Variants in ASTN2 observed in about 807,000 individuals in gnomAD.
ASTN2 encodes astrotactin-2.
A neutral mutation model predicts 139.8 loss-of-function variants in ASTN2; 54 were observed. The ratio of observed to expected loss-of-function variants is 0.39; its 90% CI spans 0.31 to 0.48. ASTN2 has a LOEUF of 0.48. Ranked by LOEUF, ASTN2 falls within the 20% of genes least tolerant of loss-of-function variation. The pLI is 0.95. For missense variants in ASTN2, 1,565 were observed against 1,725.1 expected, an observed-to-expected ratio of 0.91 and a Z score of 1.64; for synonymous variants, 756 against 719.5, an observed-to-expected ratio of 1.05 and a Z score of -0.81.
chr9:116,828,493 A>G (rs1219450264), intron 11 of ASTN2, among the ~76,000 whole-genome samples: 20 of 152,166 alleles, frequency 1.3e-4, no homozygotes, highest in Admixed American at 1.3e-3. Context: ...GATACAGAAA[A>G]AAAAGCATTC....
At chr9:117,387,919 G>A (rs983005548) in intron 1 of ASTN2, among the ~76,000 whole-genome samples, 1 of 152,108 alleles carries the variant, frequency 6.6e-6, no homozygotes, top group Admixed American at 6.5e-5. Flanking sequence ...TGCTGCAAAG[G>A]CTAGAGCTGA....
At chr9:117,201,739 G>A (rs1831727789) in intron 3 of ASTN2, among the ~76,000 whole-genome samples, 1 of 152,142 alleles carries the variant, frequency 6.6e-6, no homozygotes, top group Non-Finnish European at 1.5e-5. Context: ...TGCATTTGCT[G>A]AGGAGTGTTT....
intron 1 of ASTN2, among the ~76,000 whole-genome samples, chr9:117,363,476 A>G (rs893888327): frequency 2.6e-5 from 4 of 152,160 alleles, no homozygotes; most frequent in African/African-American, 7.2e-5. Flanking sequence ...GGAGGTAAGA[A>G]TCTAGGACTA....
intron 6 of ASTN2, among the ~76,000 whole-genome samples, chr9:117,013,488 T>TATA (rs1564384141): frequency 3.9e-3 from 88 of 22,612 alleles, no homozygotes; most frequent in Admixed American, 9.8e-3. Context: ...ATATATATAT[T>TATA]TTTTTTTTTC....
intron 11 of ASTN2, among the ~76,000 whole-genome samples, chr9:116,851,540 A>T (rs1832607224): frequency 1.3e-5 from 2 of 151,770 alleles, no homozygotes; most frequent in South Asian, 4.2e-4. Context: ...CTTATAGTAA[A>T]TCTACTAAAA....
chr9:117,236,957 T>A (rs370536977), intron 2 of ASTN2, among the ~76,000 whole-genome samples: 1 of 152,168 alleles, frequency 6.6e-6, no homozygotes, highest in African/African-American at 2.4e-5. Flanking sequence ...GGGATAGTTG[T>A]TATTTTGTGT....
At chr9:116,555,258 T>C (rs1312073281) in intron 19 of ASTN2, among the ~76,000 whole-genome samples, 1 of 152,124 alleles carries the variant, frequency 6.6e-6, no homozygotes, top group African/African-American at 2.4e-5. Flanking sequence ...GCCTATGTGT[T>C]CTTCGAGCTC....
chr9:117,384,928 T>G (rs942996995), intron 1 of ASTN2, among the ~76,000 whole-genome samples: 5 of 151,760 alleles, frequency 3.3e-5, no homozygotes, highest in Non-Finnish European at 5.9e-5. Context: ...TAAAAGGGAG[T>G]TTGGGAAAAC....
At chr9:117,275,564 C>CTTTT (rs57767279) in intron 2 of ASTN2, among the ~76,000 whole-genome samples, 3 of 119,168 alleles carry the variant, frequency 2.5e-5, no homozygotes, top group Admixed American at 9.8e-5. Context: ...ATCTCTCCCT[C>CTTTT]TTTTTTTTTT....
At chr9:117,404,821 C>G (rs745918125) in intron 1 of ASTN2, among the ~76,000 whole-genome samples, 3 of 151,472 alleles carry the variant, frequency 2.0e-5, no homozygotes, top group Non-Finnish European at 4.4e-5. Context: ...GGTGACAACT[C>G]TCTAAGAGTT....
intron 3 of ASTN2, among the ~76,000 whole-genome samples, chr9:117,185,516 G>A (rs1831174762): frequency 6.6e-6 from 1 of 152,212 alleles, no homozygotes; most frequent in Admixed American, 6.5e-5. Context: ...CCACCATCCT[G>A]ATAAAGCTGA....
chr9:116,620,578 C>T, intron 17 of ASTN2, 135 bp from the exon 18 acceptor site: 1 of 1,117,944 alleles, frequency 8.9e-7, no homozygotes, highest in Non-Finnish European at 1.3e-6. Flanking sequence ...CCATCTATTC[C>T]CTAAGTTCCT....
At chr9:117,180,708 G>C (rs1020309111) in intron 3 of ASTN2, 3 of 1,591,368 alleles carry the variant, frequency 1.9e-6, no homozygotes, top group Admixed American at 3.4e-5. Flanking sequence ...GCCCTCATGA[G>C]TGCAGGGCCC....
At chr9:117,021,599 G>A (rs1837882343) in intron 6 of ASTN2, among the ~76,000 whole-genome samples, 2 of 152,154 alleles carry the variant, frequency 1.3e-5, no homozygotes, top group South Asian at 4.1e-4. Context: ...TTTATAAACA[G>A]AGAGTCCAGG....
chr9:116,902,372 G>A (rs926669587), intron 10 of ASTN2, among the ~76,000 whole-genome samples: 2 of 152,106 alleles, frequency 1.3e-5, no homozygotes, highest in South Asian at 2.1e-4. Flanking sequence ...TTGTACAGCT[G>A]TACAATGTGT....
chr9:116,865,312 A>G (rs949623106), intron 10 of ASTN2, among the ~76,000 whole-genome samples: 1 of 150,712 alleles, frequency 6.6e-6, no homozygotes, highest in African/African-American at 2.5e-5. Context: ...CTCTACAAAC[A>G]TTTTTTAAAT....
chr9:116,928,221 T>A (rs1213289530), intron 10 of ASTN2, among the ~76,000 whole-genome samples: 3 of 152,216 alleles, frequency 2.0e-5, no homozygotes, highest in Non-Finnish European at 4.4e-5. Flanking sequence ...TACCAGTGTC[T>A]ATTTTACACA....
chr9:117,033,928 T>C (rs16934230), intron 6 of ASTN2, among the ~76,000 whole-genome samples: 3,603 of 152,276 alleles, frequency 0.024, 142 homozygotes, highest in African/African-American at 0.082. Context: ...TGCTCAATAA[T>C]AGTAGGTTCC....
intron 10 of ASTN2, among the ~76,000 whole-genome samples, chr9:116,894,251 T>A (rs1466273969): frequency 6.6e-6 from 1 of 152,104 alleles, no homozygotes; most frequent in Non-Finnish European, 1.5e-5. Context: ...AAGGAAGTGG[T>A]AGGTAGGGAC....
Sources: gnomAD v4.1 joint callset for allele counts (sites outside exome capture counted in the v4.1 genomes callset) on GRCh38, gnomAD v4.1.1 for gene constraint, MANE v1.5 for transcripts, NCBI Gene and HGNC (gene_info 2026-07-23, HGNC 2026-07-21) for gene names.